REXO5: variants seen among roughly 807,000 people sequenced by gnomAD.
The protein encoded by REXO5 is RNA exonuclease 5, also known as exonuclease NEF-sp.
A neutral mutation model predicts 88.5 loss-of-function variants in REXO5; 48 were observed. The ratio of observed to expected loss-of-function variants is 0.54; its 90% CI spans 0.43 to 0.69. The LOEUF (loss-of-function observed/expected upper bound fraction) is 0.69, where lower values mean the gene tolerates loss of function less well. Among genes scored for constraint, REXO5 ranks in the 30% least tolerant of loss-of-function variants. The pLI is 0.00. For synonymous variants in REXO5, 311 were observed against 336.5 expected (o/e 0.92, Z 0.83); for missense variants, 749 against 912.2 (o/e 0.82, Z 2.30).
chr16:20,821,997 T>C (rs2081192869), intron 6 of REXO5, 95 bp downstream of exon 6: 1 of 1,270,514 alleles, frequency 7.9e-7, no homozygotes, highest in Admixed American at 2.8e-5. Context: ...TCTGGCTGTT[T>C]TCTGAGTGGC....
intron 15 of REXO5, among the ~76,000 whole-genome samples, chr16:20,843,325 G>A (rs11642550): frequency 0.34 from 52,105 of 151,970 alleles, 9,176 homozygotes; most frequent in East Asian, 0.63. Context: ...TCTGTGGGTT[G>A]CTTTTTGACA....
At chr16:20,815,910 A>G (rs894574037) in intron 4 of REXO5, among the ~76,000 whole-genome samples, 1 of 152,218 alleles carries the variant, frequency 6.6e-6, no homozygotes, top group Admixed American at 6.5e-5. Context: ...CTATTTTACA[A>G]TATATAATCA....
chr16:20,815,374 G>C (rs1675597412), intron 4 of REXO5, among the ~76,000 whole-genome samples: 3 of 152,080 alleles, frequency 2.0e-5, no homozygotes, highest in African/African-American at 7.2e-5. Context: ...GCAAGATTGG[G>C]CACCCTTAAA....
chr16:20,822,927 A>G (rs1271769676), intron 6 of REXO5, among the ~76,000 whole-genome samples: 3 of 152,200 alleles, frequency 2.0e-5, no homozygotes, highest in Non-Finnish European at 4.4e-5. Context: ...TTGCTGGGTC[A>G]TGTGACAACT....
In REXO5 at chr16:20,846,393, TTC is replaced by T. The variant is rs2081608129; in HGVS notation, c.2243+56_2243+57del. 4.9e-5 allele frequency: 67 copies of T among 1,362,346 alleles called. 1 individual carries two copies. In the South Asian group the frequency reaches 7.9e-4, roughly 16 times the overall value. 84.4% of individuals were successfully genotyped at this position (1,362,346 alleles called of 1,614,324 possible). ...GACTCTGTCCCCTGGATTTCAGCTG[TTC>T]TTAGAGAAAAAGCCTTTTGCTGATA... On this transcript the variant is annotated intron_variant, in intron 19 of 19. Coordinates refer to ENST00000261377, the MANE Select transcript of REXO5 (RefSeq NM_030941.3).
At chr16:20,817,504 A>G (rs1472701143) in intron 5 of REXO5, among the ~76,000 whole-genome samples, 1 of 152,246 alleles carries the variant, frequency 6.6e-6, no homozygotes, top group Non-Finnish European at 1.5e-5. Context: ...GGAAAGGCAG[A>G]TTAAAGCCAT....
intron 14 of REXO5, 184 bp downstream of exon 14, chr16:20,840,043 A>C (rs958384727): frequency 3.6e-6 from 2 of 558,902 alleles, no homozygotes; most frequent in African/African-American, 3.7e-5. Context: ...CTGTTTTGCA[A>C]CTTTATTTTT....
intron 13 of REXO5, among the ~76,000 whole-genome samples, chr16:20,833,900 A>G (rs2081385046): frequency 1.3e-5 from 2 of 152,176 alleles, no homozygotes; most frequent in South Asian, 4.1e-4. Flanking sequence ...TCTGTATTCT[A>G]ATTTTCTTGG....
chr16:20,812,899 C>A (rs1490224533), intron 2 of REXO5, among the ~76,000 whole-genome samples: 1 of 152,174 alleles, frequency 6.6e-6, no homozygotes, highest in Non-Finnish European at 1.5e-5. Context: ...TGCTTTCTCT[C>A]CCTAGTAGAA....
chr16:20,828,105 A>G (rs1472856518), intron 10 of REXO5, among the ~76,000 whole-genome samples: 1 of 152,222 alleles, frequency 6.6e-6, no homozygotes, highest in Non-Finnish European at 1.5e-5. Context: ...CAGGAAGGCA[A>G]CTTTAAACAA....
intron 4 of REXO5, among the ~76,000 whole-genome samples, chr16:20,815,301 G>A (rs1225378912): frequency 1.3e-5 from 2 of 152,116 alleles, no homozygotes; most frequent in South Asian, 2.1e-4. Flanking sequence ...TTTGGGCTAT[G>A]GTGTTTTCAG....
At position 20,832,616 on chromosome 16, in the gene REXO5, C is replaced by G. The variant is rs190435174; in HGVS notation, c.1262+357C>G. 6.6e-5 allele frequency among the ~76,000 whole-genome samples: 10 copies of G among 152,192 alleles called. No homozygotes were observed. In the South Asian group the frequency reaches 1.4e-3, roughly 22 times the overall value. ...CTGTAGCCTTGTTGTATTGCCCAGA[C>G]TATGAAAGACACACACACAGACTCA... On this transcript the variant is annotated intron_variant, in intron 12 of 19. Coordinates refer to ENST00000261377, the MANE Select transcript of REXO5 (RefSeq NM_030941.3).
At chr16:20,824,605 C>T in intron 7 of REXO5, 78 bp downstream of exon 7, 2 of 840,902 alleles carry the variant, frequency 2.4e-6, no homozygotes, top group Non-Finnish European at 4.0e-6. Flanking sequence ...GAGTCTAATG[C>T]ACTAATGAAC....
At chr16:20,840,141 G>T in intron 14 of REXO5, 190 bp from the exon 15 acceptor site, 1 of 533,938 alleles carries the variant, frequency 1.9e-6, no homozygotes, top group Non-Finnish European at 3.3e-6. Flanking sequence ...TCTGCTATAT[G>T]ATATACCTAT....
intron 5 of REXO5, among the ~76,000 whole-genome samples, chr16:20,819,165 T>A (rs2081126900): frequency 6.6e-6 from 1 of 152,128 alleles, no homozygotes; most frequent in African/African-American, 2.4e-5. Flanking sequence ...TTTTATCTGA[T>A]CTATCATTTA....
Position 20,849,573 on chromosome 16 carries a change from A to G in REXO5, c.*93A>G. ...GCTGTAGCCTCCCCAACCAGCAGAC[A>G]GCTTTATGGAAACTTGGTATAGCAG... On this transcript the variant is annotated 3_prime_UTR_variant, in exon 20 of 20. Coordinates refer to ENST00000261377, the MANE Select transcript of REXO5 (RefSeq NM_030941.3). The G allele has an allele frequency of 2.6e-6, 3 of 1,137,408 alleles. No individual in the cohort carries two copies. Among genetic ancestry groups the G allele is most frequent in the Non-Finnish European group, 4.0e-6 (3 of 757,898 alleles). 70.5% of individuals were successfully genotyped at this position (1,137,408 alleles called of 1,614,324 possible).
At chr16:20,815,175 C>A in intron 4 of REXO5, 122 bp downstream of exon 4, 2 of 1,092,618 alleles carry the variant, frequency 1.8e-6, no homozygotes, top group Non-Finnish European at 2.5e-6. Flanking sequence ...ATATAGAAAG[C>A]AAAAAGACCT....
intron 19 of REXO5, among the ~76,000 whole-genome samples, chr16:20,848,850 T>C (rs2081650610): frequency 1.3e-5 from 2 of 152,354 alleles, no homozygotes; most frequent in East Asian, 1.9e-4. Flanking sequence ...TACAAAAGTA[T>C]GGAATGAACA....
chr16:20,813,851 G>A (rs1364450493), intron 3 of REXO5, among the ~76,000 whole-genome samples: 7 of 152,042 alleles, frequency 4.6e-5, no homozygotes, highest in African/African-American at 7.2e-5. Flanking sequence ...TTGAGTCCCA[G>A]AGTCTGAGAC....
Sources: allele counts gnomAD v4.1 joint callset (sites outside exome capture counted in the v4.1 genomes callset), GRCh38; gene constraint gnomAD v4.1.1; transcripts MANE v1.5; gene names NCBI Gene and HGNC (gene_info 2026-07-23, HGNC 2026-07-21).